PRELID2: variants seen among roughly 807,000 people sequenced by gnomAD.
PRELID2 encodes the protein PRELI domain-containing protein 2.
A neutral mutation model predicts 28.4 loss-of-function variants in PRELID2; 25 were observed. The ratio of observed to expected loss-of-function variants is 0.88; its 90% CI spans 0.64 to 1.23. The LOEUF (loss-of-function observed/expected upper bound fraction) is 1.23. Ranked by LOEUF, PRELID2 falls within the 50% of genes most tolerant of loss-of-function variation. The probability of loss-of-function intolerance (pLI) is 0.00; values close to 1 mark genes in which losing one functional copy is unlikely to be tolerated. For synonymous variants in PRELID2, 76 were observed against 71.6 expected, an observed-to-expected ratio of 1.06 and a Z score of -0.31; for missense variants, 201 against 214.4, an observed-to-expected ratio of 0.94 and a Z score of 0.39.
At chr5:145,667,272 G>T (rs79482586) in intron 1 of PRELID2, among the ~76,000 whole-genome samples, 171 of 151,934 alleles carry the variant, frequency 1.1e-3, no homozygotes, top group African/African-American at 4.0e-3. Flanking sequence ...TGATATAGTA[G>T]GAAACACACT....
At chr5:145,332,628 T>C in the PRELID2 span, among the ~76,000 whole-genome samples, 13 of 152,094 alleles carry the variant, frequency 8.5e-5, no homozygotes, top group African/African-American at 2.9e-4. Context: ...AGGTCATTTA[T>C]GTTCTTCTCT....
At chr5:145,822,648 G>T (rs1754911210) in intron 2 of PRELID2, among the ~76,000 whole-genome samples, 1 of 152,142 alleles carries the variant, frequency 6.6e-6, no homozygotes, top group Admixed American at 6.6e-5. Flanking sequence ...ATGTGACCTT[G>T]AGCAAGTCAC....
chr5:145,280,593 T>C, the PRELID2 span, among the ~76,000 whole-genome samples: 4 of 151,998 alleles, frequency 2.6e-5, no homozygotes, highest in African/African-American at 7.2e-5. Flanking sequence ...ATGGCACATG[T>C]ATACACATGT....
chr5:145,418,787 G>A, the PRELID2 span, among the ~76,000 whole-genome samples: 5 of 151,502 alleles, frequency 3.3e-5, no homozygotes, highest in East Asian at 9.7e-4. Flanking sequence ...GTGCAGGTTA[G>A]TTACATATGT....
chr5:145,402,073 C>A, the PRELID2 span, among the ~76,000 whole-genome samples: 1 of 152,290 alleles, frequency 6.6e-6, no homozygotes, highest in African/African-American at 2.4e-5. Flanking sequence ...CACCTTTCAT[C>A]CATAAAATTT....
chr5:145,561,537 G>GGTGC (rs1447854711), intron 1 of PRELID2, among the ~76,000 whole-genome samples: 1 of 152,082 alleles, frequency 6.6e-6, no homozygotes, highest in Admixed American at 6.5e-5. Context: ...AACAGTACTA[G>GGTGC]GTGCCAGTTT....
chr5:145,607,097 G>T (rs1753516169), intron 1 of PRELID2, among the ~76,000 whole-genome samples: 1 of 151,988 alleles, frequency 6.6e-6, no homozygotes, highest in South Asian at 2.1e-4. Context: ...TGTAACCTGT[G>T]TCATTTCTGA....
At chr5:145,740,799 A>G (rs1439634678) in intron 1 of PRELID2, among the ~76,000 whole-genome samples, 1 of 116,510 alleles carries the variant, frequency 8.6e-6, no homozygotes, top group African/African-American at 3.4e-5. Flanking sequence ...CTTTATACAT[A>G]TATGTATATA....
chr5:145,561,433 G>A (rs531121930), intron 1 of PRELID2, among the ~76,000 whole-genome samples: 9 of 152,084 alleles, frequency 5.9e-5, no homozygotes, highest in African/African-American at 2.2e-4. Context: ...ATTATTTCAT[G>A]TATTCTAGAT....
chr5:145,248,153 C>T, the PRELID2 span, among the ~76,000 whole-genome samples: 1 of 152,098 alleles, frequency 6.6e-6, no homozygotes, highest in South Asian at 2.1e-4. Context: ...GGTAGAACTG[C>T]TCAGGATGTA....
the PRELID2 span, among the ~76,000 whole-genome samples, chr5:145,421,907 C>A: frequency 5.3e-5 from 8 of 151,648 alleles, no homozygotes; most frequent in South Asian, 1.5e-3. Context: ...GCTTTGAATG[C>A]GTCCCAGAGA....
At chr5:145,573,004 T>C (rs1753027929) in intron 1 of PRELID2, among the ~76,000 whole-genome samples, 1 of 152,120 alleles carries the variant, frequency 6.6e-6, no homozygotes, top group Non-Finnish European at 1.5e-5. Context: ...ATTGCTCAAG[T>C]ATACATAGCC....
At chr5:145,586,615 C>T (rs1753157244) in intron 1 of PRELID2, among the ~76,000 whole-genome samples, 1 of 152,022 alleles carries the variant, frequency 6.6e-6, no homozygotes, top group Admixed American at 6.6e-5. Flanking sequence ...TCCCTTATTC[C>T]CTCAATAAGA....
At chr5:145,631,716 G>A (rs1032599049) in intron 1 of PRELID2, among the ~76,000 whole-genome samples, 2 of 152,018 alleles carry the variant, frequency 1.3e-5, no homozygotes, top group Admixed American at 6.6e-5. Context: ...ACTAATAAAG[G>A]CAGTAACTCT....
intron 1 of PRELID2, among the ~76,000 whole-genome samples, chr5:145,628,587 G>C (rs1285158791): frequency 1.3e-5 from 2 of 152,182 alleles, no homozygotes; most frequent in Admixed American, 1.3e-4. Flanking sequence ...GCCTCTCAAA[G>C]TGCTGGGATT....
chr5:145,306,762 G>A, the PRELID2 span, among the ~76,000 whole-genome samples: 2,403 of 152,020 alleles, frequency 0.016, 23 homozygotes, highest in Middle Eastern at 0.035. Flanking sequence ...TATGAATTAC[G>A]TATATATGTT....
At chr5:145,502,059 T>TA (rs1428527004) in intron 1 of PRELID2, among the ~76,000 whole-genome samples, 3 of 152,234 alleles carry the variant, frequency 2.0e-5, no homozygotes, top group Non-Finnish European at 4.4e-5. Context: ...CACACTGCTA[T>TA]AAAAAACTAC....
At chr5:145,445,105 G>C in the PRELID2 span, among the ~76,000 whole-genome samples, 1 of 151,994 alleles carries the variant, frequency 6.6e-6, no homozygotes, top group Non-Finnish European at 1.5e-5. Context: ...AAAGCCAGAG[G>C]TATCACACTA....
chr5:145,314,584 CT>C, the PRELID2 span, among the ~76,000 whole-genome samples: 1 of 151,472 alleles, frequency 6.6e-6, no homozygotes, highest in African/African-American at 2.4e-5. Flanking sequence ...TTTTTTATCA[CT>C]AAAATTTTTT....
Sources: gnomAD v4.1 joint callset for allele counts (sites outside exome capture counted in the v4.1 genomes callset) on GRCh38, gnomAD v4.1.1 for gene constraint, MANE v1.5 for transcripts, NCBI Gene and HGNC (gene_info 2026-07-23, HGNC 2026-07-21) for gene names.